SNTG1: variants seen among roughly 807,000 people sequenced by gnomAD.
SNTG1 encodes gamma-1-syntrophin.
A neutral mutation model predicts 74.7 loss-of-function variants in SNTG1; 39 were observed. That is an observed-to-expected ratio of 0.52 (90% CI 0.40 to 0.68). SNTG1 has a LOEUF of 0.68. Ranked by LOEUF, SNTG1 falls within the 30% of genes least tolerant of loss-of-function variation. The pLI is 0.00. For missense variants in SNTG1, 685 were observed against 609.5 expected, an observed-to-expected ratio of 1.12 and a Z score of -1.30; for synonymous variants, 254 against 217.1, an observed-to-expected ratio of 1.17 and a Z score of -1.49.
At chr8:50,703,718 G>A (rs1026088212) in intron 15 of SNTG1, among the ~76,000 whole-genome samples, 4 of 152,006 alleles carry the variant, frequency 2.6e-5, no homozygotes, top group Non-Finnish European at 5.9e-5. Context: ...AGCACAGCAG[G>A]TTTGTTTACA....
intron 1 of SNTG1, among the ~76,000 whole-genome samples, chr8:49,974,161 C>A (rs1032919777): frequency 1.1e-4 from 17 of 152,294 alleles, no homozygotes; most frequent in African/African-American, 3.8e-4. Context: ...GAAGCACATG[C>A]CACAACTCCA....
chr8:50,297,468 G>A (rs2089439233), intron 2 of SNTG1, among the ~76,000 whole-genome samples: 1 of 152,138 alleles, frequency 6.6e-6, no homozygotes, highest in African/African-American at 2.4e-5. Context: ...TTTTCACTTG[G>A]AAGCACTTTA....
At chr8:50,095,258 C>A (rs1279115392) in intron 1 of SNTG1, among the ~76,000 whole-genome samples, 1 of 151,918 alleles carries the variant, frequency 6.6e-6, no homozygotes, top group African/African-American at 2.4e-5. Context: ...CCCAGCAATG[C>A]ATAATTTACC....
chr8:50,584,512 CTTTTTT>C (rs34546157), intron 12 of SNTG1, among the ~76,000 whole-genome samples: 3 of 126,806 alleles, frequency 2.4e-5, no homozygotes, highest in East Asian at 4.6e-4. Context: ...TTCTCTGATT[CTTTTTT>C]TTTTTTTTTT....
chr8:50,656,728 T>G (rs1423185198), intron 13 of SNTG1, among the ~76,000 whole-genome samples, 181 bp from the exon 14 acceptor site: 1 of 152,198 alleles, frequency 6.6e-6, no homozygotes, highest in African/African-American at 2.4e-5. Context: ...ATTCATTTAC[T>G]GAAGCCAAAT....
rs13249527 is a variant in SNTG1 at position 50,570,585 on chromosome 8, A to G, written c.810+17406A>G. Reference sequence around the variant, plus strand: ...ATTTTTTATTATTATTATTATTATTATTGTTGTTATTATTATTATTATTAT... The same window carrying G: ...ATTTTTTATTATTATTATTATTATTGTTGTTGTTATTATTATTATTATTAT... On this transcript the variant is annotated intron_variant, in intron 12 of 18. Transcript: ENST00000642720. Among the ~76,000 whole-genome samples, 798 of 127,104 alleles carry G rather than the reference A, an allele frequency of 6.3e-3. 3 individuals are homozygous for G. Among genetic ancestry groups the G allele is most frequent in the African/African-American group, 0.014 (467 of 34,340 alleles). 83.4% of individuals were successfully genotyped at this position (127,104 alleles called of 152,430 possible). A position where few individuals can be genotyped will look rare whatever the true frequency, so the allele number is the denominator to read the frequency against.
intron 17 of SNTG1, among the ~76,000 whole-genome samples, chr8:50,727,093 C>A (rs1004698150): frequency 6.6e-6 from 1 of 151,884 alleles, no homozygotes; most frequent in Non-Finnish European, 1.5e-5. Flanking sequence ...TGTGAATACG[C>A]AAGAGAGAAA....
At chr8:50,083,247 A>AT (rs1822575319) in intron 1 of SNTG1, among the ~76,000 whole-genome samples, 1 of 152,174 alleles carries the variant, frequency 6.6e-6, no homozygotes, top group Admixed American at 6.5e-5. Context: ...AAAACTGCTG[A>AT]TTTGACCGTT....
chr8:50,398,636 T>C (rs568850799), intron 3 of SNTG1, among the ~76,000 whole-genome samples: 6 of 152,118 alleles, frequency 3.9e-5, no homozygotes, highest in Non-Finnish European at 7.4e-5. Flanking sequence ...ACTTTCGAAG[T>C]AAATACGAGG....
At chr8:49,975,900 ATTTG>A (rs1474375914) in intron 1 of SNTG1, among the ~76,000 whole-genome samples, 3 of 151,854 alleles carry the variant, frequency 2.0e-5, no homozygotes, top group African/African-American at 7.2e-5. Context: ...TTTCCTACTT[ATTTG>A]TTTATTTTCA....
At chr8:50,657,092 A>C (rs2095187231) in intron 14 of SNTG1, 67 bp downstream of exon 14, 4 of 765,620 alleles carry the variant, frequency 5.2e-6, no homozygotes, top group Non-Finnish European at 8.0e-6. Flanking sequence ...CCAACTTAAC[A>C]GCACCAAATA....
intron 1 of SNTG1, among the ~76,000 whole-genome samples, chr8:50,057,268 G>A (rs954986254): frequency 1.3e-5 from 2 of 152,160 alleles, no homozygotes; most frequent in African/African-American, 4.8e-5. Context: ...TATGCTGAGT[G>A]GAAATGCAGC....
chr8:50,369,254 G>T (rs569507767), intron 2 of SNTG1, among the ~76,000 whole-genome samples: 1 of 152,294 alleles, frequency 6.6e-6, no homozygotes, highest in South Asian at 2.1e-4. Flanking sequence ...AAAGTGAAAT[G>T]ATGCCATAAG....
intron 2 of SNTG1, among the ~76,000 whole-genome samples, chr8:50,284,298 T>C (rs138188078): frequency 6.6e-6 from 1 of 151,022 alleles, no homozygotes; most frequent in East Asian, 1.9e-4. Flanking sequence ...TTATAGATTT[T>C]TCTTATGAAT....
At chr8:50,284,828 C>T (rs948475355) in intron 2 of SNTG1, among the ~76,000 whole-genome samples, 2 of 151,916 alleles carry the variant, frequency 1.3e-5, no homozygotes, top group African/African-American at 4.8e-5. Context: ...GATATATTAT[C>T]TCAATAAAAA....
intron 1 of SNTG1, among the ~76,000 whole-genome samples, chr8:50,033,430 T>C (rs968818415): frequency 5.9e-5 from 9 of 152,148 alleles, no homozygotes; most frequent in Non-Finnish European, 1.5e-5. Context: ...AGCCAATTTA[T>C]TATTCTTAAT....
At chr8:50,079,828 C>G (rs1262339577) in intron 1 of SNTG1, among the ~76,000 whole-genome samples, 1 of 152,010 alleles carries the variant, frequency 6.6e-6, no homozygotes, top group Non-Finnish European at 1.5e-5. Flanking sequence ...GAATCCTTTT[C>G]CCATTGCTTG....
intron 2 of SNTG1, among the ~76,000 whole-genome samples, chr8:50,365,567 T>A (rs1233497257): frequency 6.6e-6 from 1 of 151,982 alleles, no homozygotes; most frequent in South Asian, 2.1e-4. Flanking sequence ...AAATCAAAGA[T>A]TTTTTTTAAA....
intron 15 of SNTG1, among the ~76,000 whole-genome samples, chr8:50,695,155 G>A (rs2095399398): frequency 6.6e-6 from 1 of 151,466 alleles, no homozygotes; most frequent in South Asian, 2.1e-4. Flanking sequence ...GTCCCTGTTT[G>A]CAGGTGATAT....
Sources: allele counts gnomAD v4.1 joint callset (sites outside exome capture counted in the v4.1 genomes callset), GRCh38; gene constraint gnomAD v4.1.1; transcripts MANE v1.5; gene names NCBI Gene and HGNC (gene_info 2026-07-23, HGNC 2026-07-21).